Variants in SMARCC1 observed in about 807,000 individuals in gnomAD.
The protein encoded by SMARCC1 is SWI/SNF complex subunit SMARCC1.
A neutral mutation model predicts 147.4 loss-of-function variants in SMARCC1; 43 were observed. The observed-to-expected ratio is 0.29, with a 90% CI of 0.23 to 0.38. The LOEUF is 0.38. SMARCC1 is among the 10% of genes least tolerant of loss of function. SMARCC1 has a pLI of 1.00. For missense variants in SMARCC1, 1,119 were observed against 1,381.1 expected (o/e 0.81, Z 3.01); for synonymous variants, 495 against 484.4 (o/e 1.02, Z -0.29).
intron 1 of SMARCC1, 76 bp downstream of exon 1, chr3:47,781,527 C>T: frequency 9.1e-7 from 1 of 1,095,678 alleles, no homozygotes; most frequent in Non-Finnish European, 1.2e-6. Context: ...AGGGGCGGCC[C>T]GAGGCCCGCG....
At chr3:47,682,239 G>A (rs1415534784) in intron 14 of SMARCC1, among the ~76,000 whole-genome samples, 2 of 148,464 alleles carry the variant, frequency 1.3e-5, no homozygotes, top group Admixed American at 6.8e-5. Flanking sequence ...AGCTTGCAGT[G>A]AGCCGATATC....
At chr3:47,750,415 C>T (rs1482948334) in intron 2 of SMARCC1, among the ~76,000 whole-genome samples, 1 of 152,036 alleles carries the variant, frequency 6.6e-6, no homozygotes, top group Non-Finnish European at 1.5e-5. Flanking sequence ...AGCTTGGCGA[C>T]AGAACGAAAC....
intron 5 of SMARCC1, among the ~76,000 whole-genome samples, chr3:47,730,179 T>C (rs765058915): frequency 4.6e-5 from 7 of 151,412 alleles, no homozygotes; most frequent in Non-Finnish European, 1.0e-4. Flanking sequence ...CTCAAAAAAA[T>C]AAAAAATAAA....
At position 47,604,489 on chromosome 3, in the gene SMARCC1, G is replaced by T. The variant is rs563160389; in HGVS notation, c.3043+5577C>A. The T allele has an allele frequency of 3.3e-4, 122 of 365,786 alleles. 2 individuals carry two copies. Among genetic ancestry groups the T allele is most frequent in the African/African-American group, 2.4e-3 (111 of 46,996 alleles). The allele number at this position is 365,786 out of a possible 1,614,324, so 22.7% of individuals were successfully genotyped here. A position where few individuals can be genotyped will look rare whatever the true frequency, so the allele number is the denominator to read the frequency against. ...TCTGGAACTTAGGAATCATGAGTTG[G>T]AAGGACCTGCTCATAGTTCTTACCT... On this transcript the variant is annotated intron_variant, in intron 26 of 27. Transcript: ENST00000254480.
intron 24 of SMARCC1, among the ~76,000 whole-genome samples, chr3:47,633,380 C>T (rs902394467): frequency 6.6e-6 from 1 of 151,822 alleles, no homozygotes; most frequent in Non-Finnish European, 1.5e-5. Flanking sequence ...AAAAATGAGC[C>T]GAGGTTGCAG....
chr3:47,747,891 C>T (rs1344334098), intron 2 of SMARCC1, among the ~76,000 whole-genome samples: 1 of 152,146 alleles, frequency 6.6e-6, no homozygotes, highest in Non-Finnish European at 1.5e-5. Flanking sequence ...GGCATGGTGG[C>T]TCACGCCTGT....
chr3:47,662,186 A>G, intron 20 of SMARCC1, 148 bp downstream of exon 20: 1 of 761,322 alleles, frequency 1.3e-6, no homozygotes, highest in Non-Finnish European at 2.1e-6. Context: ...AAATATTGTA[A>G]TACTTTTATA....
At chr3:47,749,330 CAG>C (rs1374541167) in intron 2 of SMARCC1, among the ~76,000 whole-genome samples, 1 of 151,652 alleles carries the variant, frequency 6.6e-6, no homozygotes. Flanking sequence ...TATTTTGTTA[CAG>C]ATATTCTAAC....
At chr3:47,760,213 C>T (rs2034757887) in intron 2 of SMARCC1, among the ~76,000 whole-genome samples, 2 of 151,868 alleles carry the variant, frequency 1.3e-5, no homozygotes, top group South Asian at 2.1e-4. Context: ...ACTTTAGAGG[C>T]TGAGGCATGA....
At chr3:47,688,801 G>A (rs577375791) in intron 13 of SMARCC1, among the ~76,000 whole-genome samples, 74 of 152,218 alleles carry the variant, frequency 4.9e-4, no homozygotes, top group South Asian at 1.7e-3. Flanking sequence ...TACTGTGGTC[G>A]GCACTGAATA....
intron 26 of SMARCC1, among the ~76,000 whole-genome samples, chr3:47,595,740 T>C (rs1251486269): frequency 4.7e-5 from 7 of 148,702 alleles, no homozygotes; most frequent in Middle Eastern, 3.2e-3. Flanking sequence ...CTTTTTCTTT[T>C]TCTTTTTTTT....
At chr3:47,681,772 A>G (rs574955411) in intron 14 of SMARCC1, among the ~76,000 whole-genome samples, 1 of 152,334 alleles carries the variant, frequency 6.6e-6, no homozygotes, top group African/African-American at 2.4e-5. Flanking sequence ...TCTAAGATGG[A>G]TTAATGCTAT....
chr3:47,667,240 C>A (rs1176651354), intron 19 of SMARCC1, among the ~76,000 whole-genome samples: 2 of 151,728 alleles, frequency 1.3e-5, no homozygotes, highest in African/African-American at 4.8e-5. Flanking sequence ...ATAGTGTGAA[C>A]CCGGGAGGCG....
chr3:47,776,558 C>T (rs1393104854), intron 1 of SMARCC1, among the ~76,000 whole-genome samples: 2 of 151,694 alleles, frequency 1.3e-5, no homozygotes, highest in Admixed American at 6.6e-5. Flanking sequence ...AAGCCAAGAG[C>T]GTGCCACGCA....
intron 24 of SMARCC1, among the ~76,000 whole-genome samples, chr3:47,625,699 A>C (rs114552431): frequency 5.3e-4 from 80 of 152,342 alleles, no homozygotes; most frequent in African/African-American, 1.9e-3. Context: ...CATAGATCTA[A>C]ATATAAAAGT....
chr3:47,692,092 T>C (rs1035103587), intron 12 of SMARCC1, among the ~76,000 whole-genome samples: 5 of 152,160 alleles, frequency 3.3e-5, no homozygotes, highest in East Asian at 3.9e-4. Flanking sequence ...ATCTTGAAAA[T>C]CCCTTTCAGG....
At chr3:47,765,029 A>G (rs2034819363) in intron 2 of SMARCC1, among the ~76,000 whole-genome samples, 1 of 152,218 alleles carries the variant, frequency 6.6e-6, no homozygotes, top group Admixed American at 6.6e-5. Flanking sequence ...AGGCAGGCAG[A>G]CCACCTGAGG....
intron 15 of SMARCC1, among the ~76,000 whole-genome samples, chr3:47,679,627 C>T (rs995735018): frequency 1.3e-5 from 2 of 152,002 alleles, no homozygotes; most frequent in Non-Finnish European, 2.9e-5. Flanking sequence ...TTTGAGAGGC[C>T]GAGGCAAGTG....
intron 21 of SMARCC1, among the ~76,000 whole-genome samples, chr3:47,654,134 C>T (rs2033227938): frequency 6.6e-6 from 1 of 152,184 alleles, no homozygotes; most frequent in Non-Finnish European, 1.5e-5. Context: ...TGTAAAAACA[C>T]ATCCCTCATT....
Sources: allele counts gnomAD v4.1 joint callset (sites outside exome capture counted in the v4.1 genomes callset), GRCh38; gene constraint gnomAD v4.1.1; transcripts MANE v1.5; gene names NCBI Gene and HGNC (gene_info 2026-07-23, HGNC 2026-07-21).